The following ATP8A2 variants were observed in gnomAD, a reference collection of about 807,000 sequenced individuals.
ATP8A2 encodes phospholipid-transporting ATPase IB.
ATP8A2 carries 100 observed loss-of-function variants against 165.6 expected under a neutral mutation model. The ratio of observed to expected loss-of-function variants is 0.60; its 90% CI spans 0.51 to 0.71. The LOEUF (loss-of-function observed/expected upper bound fraction) is 0.71. Ranked by LOEUF, ATP8A2 falls within the 30% of genes least tolerant of loss-of-function variation. The pLI, the probability that ATP8A2 is intolerant of heterozygous loss-of-function variation, is 0.00. For missense variants in ATP8A2, 1,227 were observed against 1,479.5 expected, an observed-to-expected ratio of 0.83 and a Z score of 2.80; for synonymous variants, 543 against 548.8, an observed-to-expected ratio of 0.99 and a Z score of 0.15.
intron 2 of ATP8A2, among the ~76,000 whole-genome samples, chr13:25,519,680 T>G (rs1342312910): frequency 6.6e-6 from 1 of 152,162 alleles, no homozygotes. Flanking sequence ...TCTAAGGTCT[T>G]GGGTTTCCAT....
At chr13:25,717,296 TA>T (rs1437014266) in intron 25 of ATP8A2, among the ~76,000 whole-genome samples, 1 of 152,016 alleles carries the variant, frequency 6.6e-6, no homozygotes, top group East Asian at 1.9e-4. Flanking sequence ...AAGAAGGAGC[TA>T]TTGAGAATGG....
At chr13:25,446,539 G>A (rs907017974) in intron 1 of ATP8A2, among the ~76,000 whole-genome samples, 4 of 133,516 alleles carry the variant, frequency 3.0e-5, no homozygotes, top group East Asian at 2.6e-4. Context: ...AACCACGCCC[G>A]CAGTACATTG....
chr13:26,005,657 AT>A (rs1018559175), intron 35 of ATP8A2, among the ~76,000 whole-genome samples: 1 of 152,010 alleles, frequency 6.6e-6, no homozygotes, highest in African/African-American at 2.4e-5. Context: ...TTTCAAATAT[AT>A]TTATATCTTT....
intron 2 of ATP8A2, among the ~76,000 whole-genome samples, chr13:25,493,651 G>A (rs958938219): frequency 1.3e-5 from 2 of 152,178 alleles, no homozygotes; most frequent in African/African-American, 4.8e-5. Context: ...TCTAGACAGA[G>A]CTTGTGGTAG....
In ATP8A2 at chr13:25,772,866, T is replaced by G. The variant is rs1165528253; in HGVS notation, c.2569-1983T>G. Among the ~76,000 whole-genome samples the G allele has an allele frequency of 2.0e-5, 3 of 152,052 alleles. No homozygotes were observed. In the East Asian group the frequency reaches 5.8e-4, roughly 29 times the overall value. On this transcript the variant is annotated intron_variant, in intron 26 of 36. Coordinates refer to ENST00000381655, the MANE Select transcript of ATP8A2 (RefSeq NM_016529.6). ...CCTCCGCCTCCTGGGTTCAAGTGAT[T>G]GTCCTGCCTCAGCCTCCTGAGTAGC... is the stretch of plus-strand genomic sequence containing the variant.
intron 2 of ATP8A2, among the ~76,000 whole-genome samples, chr13:25,482,179 T>A (rs954210959): frequency 3.9e-5 from 6 of 152,178 alleles, no homozygotes; most frequent in African/African-American, 7.2e-5. Flanking sequence ...CCACCTGCTT[T>A]AGATTCAGTT....
chr13:25,724,808 G>T (rs531018808), intron 25 of ATP8A2, among the ~76,000 whole-genome samples: 30 of 152,254 alleles, frequency 2.0e-4, no homozygotes, highest in African/African-American at 6.7e-4. Context: ...ACCACATCTT[G>T]GGCCCACAAA....
At chr13:25,960,940 C>T (rs1026985440) in intron 33 of ATP8A2, among the ~76,000 whole-genome samples, 5 of 152,180 alleles carry the variant, frequency 3.3e-5, no homozygotes, top group African/African-American at 9.7e-5. Flanking sequence ...CTACTGAAAT[C>T]GTGTTCATGT....
chr13:25,568,744 A>T (rs2039386579), intron 16 of ATP8A2, among the ~76,000 whole-genome samples: 1 of 152,180 alleles, frequency 6.6e-6, no homozygotes, highest in Non-Finnish European at 1.5e-5. Flanking sequence ...TATACTTACA[A>T]ATGGTTAAAT....
chr13:25,671,554 G>C (rs1278169613), intron 24 of ATP8A2, among the ~76,000 whole-genome samples: 1 of 152,134 alleles, frequency 6.6e-6, no homozygotes. Flanking sequence ...CTCTAAACTG[G>C]CCCCCCTGGG....
Position 25,765,684 on chromosome 13 carries a change from C to T in ATP8A2, c.2385-3362C>T, listed in dbSNP as rs146220750. Among the ~76,000 whole-genome samples, 3 of 152,260 alleles carry T rather than the reference C, an allele frequency of 2.0e-5. No homozygotes were observed. The East Asian group carries it at 5.8e-4, about 29-fold the overall frequency. On this transcript the variant is annotated intron_variant, in intron 25 of 36. Transcript: ENST00000381655. ...CCTTATTTTTGCTTTTTGGGAAAGG[C>T]AGCTGTTGGATGTTCATAGATTGTA...
intron 1 of ATP8A2, among the ~76,000 whole-genome samples, chr13:25,468,433 GA>G (rs2137516419): frequency 6.6e-6 from 1 of 152,322 alleles, no homozygotes; most frequent in Non-Finnish European, 1.5e-5. Context: ...TTAGCGTCCA[GA>G]GGTGTGCTTT....
intron 24 of ATP8A2, among the ~76,000 whole-genome samples, chr13:25,682,779 G>A (rs1250233893): frequency 2.0e-5 from 3 of 152,098 alleles, no homozygotes; most frequent in Non-Finnish European, 2.9e-5. Flanking sequence ...TCCCCACCCC[G>A]CCTGCCCCAG....
At chr13:25,466,755 G>A (rs780249376) in intron 1 of ATP8A2, among the ~76,000 whole-genome samples, 2 of 152,150 alleles carry the variant, frequency 1.3e-5, no homozygotes, top group Non-Finnish European at 2.9e-5. Context: ...ACTGAGAGCC[G>A]CTAGGTGAGC....
chr13:25,584,078 G>A (rs558483681), intron 23 of ATP8A2, among the ~76,000 whole-genome samples: 1 of 152,298 alleles, frequency 6.6e-6, no homozygotes, highest in East Asian at 1.9e-4. Context: ...CTAACAGCTA[G>A]ACAATTGATT....
chr13:25,560,386 G>A (rs2039106216), intron 15 of ATP8A2, among the ~76,000 whole-genome samples: 1 of 151,908 alleles, frequency 6.6e-6, no homozygotes. Context: ...TCAAAATAAT[G>A]TTTATATTAG....
At chr13:25,466,804 G>A (rs1330950363) in intron 1 of ATP8A2, among the ~76,000 whole-genome samples, 1 of 152,190 alleles carries the variant, frequency 6.6e-6, no homozygotes, top group African/African-American at 2.4e-5. Context: ...AGTGAACCCA[G>A]CCTGTCCCTA....
chr13:25,939,539 C>G (rs1012665440), intron 33 of ATP8A2, among the ~76,000 whole-genome samples: 3 of 152,134 alleles, frequency 2.0e-5, no homozygotes, highest in Non-Finnish European at 2.9e-5. Flanking sequence ...GTTTGCCACT[C>G]TTCTTCCTGA....
At chr13:25,917,883 A>G (rs117834690) in intron 33 of ATP8A2, among the ~76,000 whole-genome samples, 1 of 152,366 alleles carries the variant, frequency 6.6e-6, no homozygotes, top group East Asian at 1.9e-4. Context: ...TAGATGTATC[A>G]CAGCCATGGA....
Sources: gnomAD v4.1 joint callset for allele counts (sites outside exome capture counted in the v4.1 genomes callset) on GRCh38, gnomAD v4.1.1 for gene constraint, MANE v1.5 for transcripts, NCBI Gene and HGNC (gene_info 2026-07-23, HGNC 2026-07-21) for gene names.